The following NRXN3 variants were observed in gnomAD, a reference collection of about 807,000 sequenced individuals.
NRXN3 encodes neurexin III.
Under a neutral mutation model 137.6 loss-of-function variants are expected in NRXN3, and 32 were observed. The ratio of observed to expected loss-of-function variants is 0.23; its 90% CI spans 0.18 to 0.31. The LOEUF is 0.31. Ranked by LOEUF, NRXN3 falls within the 10% of genes least tolerant of loss-of-function variation. The pLI is 1.00. For missense variants in NRXN3, 1,574 were observed against 2,062.5 expected (o/e 0.76, Z 4.59); for synonymous variants, 798 against 784.5 (o/e 1.02, Z -0.29).
intron 20 of NRXN3, among the ~76,000 whole-genome samples, chr14:79,829,294 C>G (rs1258129330): frequency 6.6e-6 from 1 of 152,130 alleles, no homozygotes; most frequent in African/African-American, 2.4e-5. Flanking sequence ...TTCAGAATAC[C>G]TGTCTCTACC....
At chr14:79,850,839 T>C (rs763525933) in intron 20 of NRXN3, among the ~76,000 whole-genome samples, 1 of 152,232 alleles carries the variant, frequency 6.6e-6, no homozygotes, top group African/African-American at 2.4e-5. Context: ...GGTTTGTGTA[T>C]GTGAACTAAT....
chr14:78,477,436 T>A (rs1474150659), intron 4 of NRXN3, among the ~76,000 whole-genome samples: 1 of 152,240 alleles, frequency 6.6e-6, no homozygotes, highest in East Asian at 1.9e-4. Context: ...TTGAGTGTAT[T>A]GTATATTTAT....
chr14:79,504,168 A>G (rs2096850769), intron 16 of NRXN3, among the ~76,000 whole-genome samples: 3 of 152,168 alleles, frequency 2.0e-5, no homozygotes, highest in African/African-American at 4.8e-5. Context: ...TGGCTTCCCT[A>G]TTAGATGAAG....
chr14:79,542,665 T>G (rs768380525), intron 16 of NRXN3, among the ~76,000 whole-genome samples: 1 of 152,186 alleles, frequency 6.6e-6, no homozygotes, highest in Non-Finnish European at 1.5e-5. Context: ...CTGGGGTGCC[T>G]TATCTATTTA....
chr14:79,733,627 G>A (rs1342966025), intron 19 of NRXN3, among the ~76,000 whole-genome samples: 2 of 151,450 alleles, frequency 1.3e-5, no homozygotes, highest in African/African-American at 2.4e-5. Flanking sequence ...TTGACACAAT[G>A]AAGGGACCAT....
At chr14:78,349,067 C>G (rs1026371351) in intron 4 of NRXN3, among the ~76,000 whole-genome samples, 1 of 152,146 alleles carries the variant, frequency 6.6e-6, no homozygotes, top group Non-Finnish European at 1.5e-5. Context: ...GGACCACATG[C>G]CTGGAATGAG....
chr14:79,280,212 C>T, intron 15 of NRXN3: 1 of 1,581,840 alleles, frequency 6.3e-7, no homozygotes, highest in African/African-American at 1.3e-5. Context: ...CTATGATGGG[C>T]CCTTGGGCAT....
chr14:79,678,033 C>T (rs1251519215), intron 17 of NRXN3, among the ~76,000 whole-genome samples: 1 of 152,148 alleles, frequency 6.6e-6, no homozygotes, highest in African/African-American at 2.4e-5. Flanking sequence ...GTTACAGTGG[C>T]TTTAATTTTC....
In NRXN3 at chr14:78,633,014, T is replaced by A. The variant is rs542590346; in HGVS notation, c.758-12106T>A. ...ACTTTGGGAGGCCGAGACGGGCAGA[T>A]CATGAGGTCAGGAGATTGAGACCAT... On this transcript the variant is annotated intron_variant, in intron 4 of 20. Transcript: ENST00000335750. Among the ~76,000 whole-genome samples the A allele has an allele frequency of 7.2e-5, 11 of 151,892 alleles. No individual in the cohort carries two copies. The South Asian group carries it at 1.7e-3, about 23-fold the overall frequency.
chr14:79,545,973 TCTC>T (rs773287186), intron 16 of NRXN3, among the ~76,000 whole-genome samples: 2 of 152,074 alleles, frequency 1.3e-5, no homozygotes, highest in African/African-American at 2.4e-5. Context: ...CCCAGGGTGT[TCTC>T]CTGATAGTGA....
chr14:79,381,282 G>A (rs796324657), intron 15 of NRXN3, among the ~76,000 whole-genome samples: 2 of 150,944 alleles, frequency 1.3e-5, no homozygotes, highest in Non-Finnish European at 2.9e-5. Context: ...ATATTTTCAA[G>A]AGGAGAGGTA....
At chr14:78,633,713 A>G (rs566430305) in intron 4 of NRXN3, among the ~76,000 whole-genome samples, 1 of 152,356 alleles carries the variant, frequency 6.6e-6, no homozygotes, top group East Asian at 1.9e-4. Context: ...AAATTTTCCC[A>G]GTCTGTGTCT....
chr14:79,039,388 A>T (rs1281323282), intron 15 of NRXN3, among the ~76,000 whole-genome samples: 5 of 152,212 alleles, frequency 3.3e-5, no homozygotes, highest in Middle Eastern at 3.4e-3. Flanking sequence ...TCCACTCAAC[A>T]ATTGTATTGC....
chr14:78,780,012 G>C lies in NRXN3; in HGVS notation c.2045-23608G>C, dbSNP rs182487104. Among the ~76,000 whole-genome samples the C allele has an allele frequency of 9.2e-4, 140 of 152,206 alleles. 1 individual carries two copies. Among genetic ancestry groups the C allele is most frequent in the Non-Finnish European group, 8.1e-4 (55 of 68,016 alleles). On this transcript the variant is annotated intron_variant, in intron 8 of 20. Coordinates refer to ENST00000335750, the MANE Select transcript of NRXN3 (RefSeq NM_001330195.2). ...AAAAATAGCCAAGACAACTCTTGGG[G>C]GTGGGGAAAAACCCAAGAGAAAAGA...
chr14:78,989,727 C>CT (rs1274866428), intron 15 of NRXN3, among the ~76,000 whole-genome samples: 1 of 152,132 alleles, frequency 6.6e-6, no homozygotes, highest in Non-Finnish European at 1.5e-5. Context: ...ACTAGGAAGG[C>CT]TTTTTTCTCT....
At chr14:79,344,239 G>T (rs1338259305) in intron 15 of NRXN3, among the ~76,000 whole-genome samples, 1 of 152,130 alleles carries the variant, frequency 6.6e-6, no homozygotes, top group Non-Finnish European at 1.5e-5. Flanking sequence ...GATCCTTCCA[G>T]GGCTCATCTG....
intron 15 of NRXN3, among the ~76,000 whole-genome samples, chr14:79,333,375 C>T (rs1208804220): frequency 6.6e-6 from 1 of 152,134 alleles, no homozygotes; most frequent in Admixed American, 6.5e-5. Flanking sequence ...AAATGCTTGT[C>T]ATAAACCACC....
At chr14:79,025,659 A>G (rs893769905) in intron 15 of NRXN3, among the ~76,000 whole-genome samples, 1 of 152,144 alleles carries the variant, frequency 6.6e-6, no homozygotes. Flanking sequence ...TCCTTTTTAT[A>G]TAGTCTTTCA....
intron 15 of NRXN3, among the ~76,000 whole-genome samples, chr14:79,242,221 C>T (rs1277333454): frequency 2.0e-5 from 3 of 152,122 alleles, no homozygotes; most frequent in Admixed American, 1.3e-4. Context: ...TATCTGACTA[C>T]AAAACTTGGG....
Sources: gnomAD v4.1 joint callset for allele counts (sites outside exome capture counted in the v4.1 genomes callset) on GRCh38, gnomAD v4.1.1 for gene constraint, MANE v1.5 for transcripts, NCBI Gene and HGNC (gene_info 2026-07-23, HGNC 2026-07-21) for gene names.